CSMD1: variants seen among roughly 807,000 people sequenced by gnomAD.
CSMD1 encodes the protein CUB and Sushi multiple domains 1, also known as CUB and sushi domain-containing protein 1.
In CSMD1, 213 loss-of-function variants were observed where a neutral mutation model predicts 417.5. The ratio of observed to expected loss-of-function variants is 0.51; its 90% CI spans 0.46 to 0.57. The LOEUF (loss-of-function observed/expected upper bound fraction) is 0.57, where lower values mean the gene tolerates loss of function less well. Among genes scored for constraint, CSMD1 ranks in the 20% least tolerant of loss-of-function variants. CSMD1 has a pLI of 0.00. For missense variants in CSMD1, 6,923 were observed against 4,529.7 expected (o/e 1.53, Z -15.17); for synonymous variants, 2,862 against 1,736.8 (o/e 1.65, Z -16.11).
intron 3 of CSMD1, among the ~76,000 whole-genome samples, chr8:4,264,092 A>G (rs1327582766): frequency 1.3e-5 from 2 of 152,196 alleles, no homozygotes; most frequent in African/African-American, 4.8e-5. Context: ...TGATAACATC[A>G]AACTATCAAG....
rs188409366 is a variant in CSMD1, at chr8:3,994,723, A to G, written c.818+3180T>C. 4.6e-4 allele frequency among the ~76,000 whole-genome samples: 70 copies of G among 152,312 alleles called. 1 individual carries two copies. The highest frequency in any genetic ancestry group is 9.8e-4 in the Admixed American group (15 of 15,300). On this transcript the variant is annotated intron_variant, in intron 5 of 69. Transcript: ENST00000635120. ...TATAAAGATAATTTTGGCACATGAC[A>G]TCATCCCCTATATTTAGACTGCCTC...
chr8:4,712,537 G>T (rs962898178), intron 1 of CSMD1, among the ~76,000 whole-genome samples: 1 of 152,070 alleles, frequency 6.6e-6, no homozygotes, highest in Non-Finnish European at 1.5e-5. Flanking sequence ...CTTTATCAGA[G>T]CAAAGATAGT....
chr8:3,534,477 C>T (rs1798108945), intron 10 of CSMD1, among the ~76,000 whole-genome samples: 1 of 147,236 alleles, frequency 6.8e-6, no homozygotes, highest in African/African-American at 2.5e-5. Flanking sequence ...CACCCTCTCT[C>T]ATGCTCAGCG....
At chr8:3,407,524 T>C (rs1812429169) in intron 14 of CSMD1, among the ~76,000 whole-genome samples, 1 of 150,954 alleles carries the variant, frequency 6.6e-6, no homozygotes, top group Non-Finnish European at 1.5e-5. Context: ...AGGATACAGA[T>C]GGACAGATGG....
At chr8:3,608,137 G>A (rs968167565) in intron 8 of CSMD1, among the ~76,000 whole-genome samples, 5 of 146,272 alleles carry the variant, frequency 3.4e-5, no homozygotes, top group South Asian at 4.3e-4. Context: ...TTGTGCCACT[G>A]CCCTCCAGCC....
At chr8:2,942,308 A>C (rs1251189661) in intron 69 of CSMD1, among the ~76,000 whole-genome samples, 164 bp downstream of exon 69, 1 of 152,050 alleles carries the variant, frequency 6.6e-6, no homozygotes, top group Non-Finnish European at 1.5e-5. Flanking sequence ...CACATCCGGC[A>C]CGTGTACCCC....
At chr8:3,206,962 C>A (rs1797328379) in intron 30 of CSMD1, among the ~76,000 whole-genome samples, 1 of 151,922 alleles carries the variant, frequency 6.6e-6, no homozygotes, top group Non-Finnish European at 1.5e-5. Flanking sequence ...AGGGCAATGA[C>A]CAGCGTGGGA....
At chr8:4,768,252 C>G (rs1471281992) in intron 1 of CSMD1, among the ~76,000 whole-genome samples, 2 of 152,100 alleles carry the variant, frequency 1.3e-5, no homozygotes, top group African/African-American at 4.8e-5. Flanking sequence ...GCTCCTCCTT[C>G]ATGTCAGCCC....
chr8:3,991,587 G>A (rs1376474383), intron 5 of CSMD1, among the ~76,000 whole-genome samples: 1 of 152,166 alleles, frequency 6.6e-6, no homozygotes, highest in Non-Finnish European at 1.5e-5. Context: ...AGTAGCTAGT[G>A]ATGACTCCAC....
chr8:4,649,128 C>A (rs990257141), intron 1 of CSMD1, among the ~76,000 whole-genome samples: 1 of 152,132 alleles, frequency 6.6e-6, no homozygotes, highest in African/African-American at 2.4e-5. Context: ...ATGATCTAAC[C>A]TTCTCAAGAA....
chr8:4,289,467 T>G (rs1301709992), intron 3 of CSMD1, among the ~76,000 whole-genome samples: 1 of 152,194 alleles, frequency 6.6e-6, no homozygotes, highest in Non-Finnish European at 1.5e-5. Flanking sequence ...TCAAGTCCAG[T>G]AGTAGCCAGA....
chr8:4,046,160 T>C (rs970551347), intron 3 of CSMD1, among the ~76,000 whole-genome samples: 2 of 152,124 alleles, frequency 1.3e-5, no homozygotes, highest in African/African-American at 4.8e-5. Flanking sequence ...TAAATTTATA[T>C]ACACACACAA....
At chr8:4,054,279 G>A (rs928208370) in intron 3 of CSMD1, among the ~76,000 whole-genome samples, 3 of 47,286 alleles carry the variant, frequency 6.3e-5, no homozygotes, top group Non-Finnish European at 8.8e-5. Context: ...ACGGGGAAGT[G>A]AAGATGTGGC....
chr8:4,754,505 A>T (rs1811543209), intron 1 of CSMD1, among the ~76,000 whole-genome samples: 1 of 151,574 alleles, frequency 6.6e-6, no homozygotes, highest in African/African-American at 2.4e-5. Context: ...TTTAGCATAA[A>T]TGCACTCCCA....
rs1413140818 is a variant in CSMD1, at chr8:3,493,732, T to C, written c.1345-6A>G. The C allele has an allele frequency of 2.5e-6, 4 of 1,604,682 alleles. No individual in the cohort carries two copies. The highest frequency in any genetic ancestry group is 1.1e-5 in the South Asian group (1 of 89,002). ...TCAAAGGCAAGCTTGATGACCTAAA[T>C]ACAAGGTACGAAACAGTGACTTAGA... is the stretch of plus-strand genomic sequence containing the variant. On this transcript the variant is annotated splice_region_variant and splice_polypyrimidine_tract_variant and intron_variant, in intron 10 of 69. Transcript: ENST00000635120.
chr8:4,361,607 C>G (rs1468965591), intron 3 of CSMD1, among the ~76,000 whole-genome samples: 2 of 152,298 alleles, frequency 1.3e-5, no homozygotes, highest in East Asian at 3.9e-4. Context: ...ATTTTATACT[C>G]CCAACTCTCT....
intron 12 of CSMD1, among the ~76,000 whole-genome samples, chr8:3,446,582 G>T (rs1391450315): frequency 6.6e-6 from 1 of 152,092 alleles, no homozygotes; most frequent in East Asian, 1.9e-4. Flanking sequence ...CCTCTCCACG[G>T]GTAAACAGAT....
At chr8:4,681,162 C>T (rs1324178827) in intron 1 of CSMD1, among the ~76,000 whole-genome samples, 2 of 152,120 alleles carry the variant, frequency 1.3e-5, no homozygotes, top group Non-Finnish European at 2.9e-5. Context: ...GCCAACAATA[C>T]TTCTTGAGAA....
At chr8:4,904,829 G>T (rs557293161) in intron 1 of CSMD1, among the ~76,000 whole-genome samples, 2 of 152,158 alleles carry the variant, frequency 1.3e-5, no homozygotes, top group Admixed American at 1.3e-4. Context: ...CTGGCATGAA[G>T]ATCCCTATCA....
Sources: allele counts gnomAD v4.1 joint callset (sites outside exome capture counted in the v4.1 genomes callset), GRCh38; gene constraint gnomAD v4.1.1; transcripts MANE v1.5; gene names NCBI Gene and HGNC (gene_info 2026-07-23, HGNC 2026-07-21).